Variants in ELP3 observed in about 807,000 individuals in gnomAD.
ELP3 encodes elongator complex protein 3.
ELP3 carries 56 observed loss-of-function variants against 74.9 expected under a neutral mutation model. The ratio of observed to expected loss-of-function variants is 0.75; its 90% CI spans 0.60 to 0.93. The LOEUF is 0.93. Among genes scored for constraint, ELP3 ranks in the 40% least tolerant of loss-of-function variants. The pLI, the probability that ELP3 is intolerant of heterozygous loss-of-function variation, is 0.00. For missense variants in ELP3, 573 were observed against 686.5 expected (o/e 0.83, Z 1.85); for synonymous variants, 222 against 239.8 (o/e 0.93, Z 0.68).
rs1812860257 is a variant in ELP3 at position 28,133,442 on chromosome 8, TC to T, written c.906+1039del. Among the ~76,000 whole-genome samples, 4 of 151,210 alleles carry T rather than the reference TC, an allele frequency of 2.6e-5. No individual in the cohort carries two copies. The South Asian group carries it at 8.3e-4, about 31-fold the overall frequency. On this transcript the variant is annotated intron_variant, in intron 9 of 14. Transcript: ENST00000256398. ...TCTTTTTTTTCCTTTTTTTTTTTTT[TC>T]TTCAAATGCCTCTAAGCTTAGAACT... is the stretch of plus-strand genomic sequence containing the variant.
chr8:28,144,450 T>C (rs946205755), intron 10 of ELP3, among the ~76,000 whole-genome samples: 1 of 151,862 alleles, frequency 6.6e-6, no homozygotes, highest in Non-Finnish European at 1.5e-5. Context: ...TCTCTACCAA[T>C]AAATAAAAAC....
intron 14 of ELP3, among the ~76,000 whole-genome samples, chr8:28,179,220 T>C (rs1235029111): frequency 6.6e-6 from 1 of 152,224 alleles, no homozygotes; most frequent in Non-Finnish European, 1.5e-5. Context: ...AGGGCAACTG[T>C]ATATTTACCA....
intron 12 of ELP3, among the ~76,000 whole-genome samples, chr8:28,159,626 G>C (rs1813986622): frequency 6.6e-6 from 1 of 152,180 alleles, no homozygotes; most frequent in Non-Finnish European, 1.5e-5. Context: ...TGTGCAGACT[G>C]CTACCACAAA....
At chr8:28,094,870 T>A (rs945830613) in intron 1 of ELP3, among the ~76,000 whole-genome samples, 1 of 152,260 alleles carries the variant, frequency 6.6e-6, no homozygotes, top group Non-Finnish European at 1.5e-5. Context: ...CAAGAGCCAT[T>A]TGAGTAGTAT....
intron 2 of ELP3, among the ~76,000 whole-genome samples, chr8:28,098,402 A>T (rs2130348720): frequency 6.6e-6 from 1 of 152,334 alleles, no homozygotes; most frequent in South Asian, 2.1e-4. Context: ...TGCTACAGGA[A>T]TAAGTAAATA....
rs74300594 is a variant in ELP3 at position 28,122,200 on chromosome 8, T to C, written c.618-7302T>C. Among the ~76,000 whole-genome samples, 4 of 152,316 alleles carry C rather than the reference T, an allele frequency of 2.6e-5. No homozygotes were observed. The East Asian group carries it at 7.7e-4, about 29-fold the overall frequency. ...TTGTTGGATTCAACTTGCTAATACT[T>C]TGTAGAGGATTTTTGTGTCTGTGTT... On this transcript the variant is annotated intron_variant, in intron 7 of 14. Transcript: ENST00000256398.
intron 7 of ELP3, among the ~76,000 whole-genome samples, chr8:28,116,978 C>T (rs1812164134): frequency 6.6e-6 from 1 of 152,174 alleles, no homozygotes; most frequent in African/African-American, 2.4e-5. Flanking sequence ...GACCACAGTT[C>T]ATTCAGCTCT....
At position 28,111,605 on chromosome 8, in the gene ELP3, A is replaced by G. The variant is rs540502987; in HGVS notation, c.462+1167A>G. The stretch of plus-strand genomic sequence containing the variant: ...GACAGGAGAGGACTCCATCTGGGGG[A>G]GCCCACATTTTTCCAAACAGTGGGT... On this transcript the variant is annotated intron_variant, in intron 6 of 14. Transcript: ENST00000256398. Among the ~76,000 whole-genome samples, 3 of 152,340 alleles carry G rather than the reference A, an allele frequency of 2.0e-5. No individual in the cohort carries two copies. The South Asian group carries it at 6.2e-4, about 32-fold the overall frequency.
At chr8:28,143,360 A>G (rs1168797225) in intron 10 of ELP3, among the ~76,000 whole-genome samples, 1 of 152,196 alleles carries the variant, frequency 6.6e-6, no homozygotes, top group Non-Finnish European at 1.5e-5. Flanking sequence ...CTAGCCATAA[A>G]ATATTCTATT....
intron 7 of ELP3, among the ~76,000 whole-genome samples, chr8:28,127,862 CAA>C (rs1419320313): frequency 6.6e-6 from 1 of 152,126 alleles, no homozygotes; most frequent in East Asian, 1.9e-4. Flanking sequence ...ATAAACAATG[CAA>C]AAGAGTTCAA....
chr8:28,166,361 C>G (rs1814307038), intron 14 of ELP3, among the ~76,000 whole-genome samples: 1 of 152,118 alleles, frequency 6.6e-6, no homozygotes, highest in South Asian at 2.1e-4. Context: ...ATGGACAAAT[C>G]AGTGTTATGA....
chr8:28,119,554 A>G, intron 7 of ELP3, among the ~76,000 whole-genome samples: 1 of 127,848 alleles, frequency 7.8e-6, no homozygotes, highest in African/African-American at 3.0e-5. Flanking sequence ...CATACAGTAC[A>G]AAACAACTTG....
intron 3 of ELP3, among the ~76,000 whole-genome samples, 164 bp from the exon 4 acceptor site, chr8:28,106,539 CAAAAAAAAAA>C (rs61714722): frequency 5.3e-5 from 6 of 112,698 alleles, no homozygotes; most frequent in Non-Finnish European, 8.3e-5. Flanking sequence ...GACTCCGTCT[CAAAAAAAAAA>C]AAAAAAAAAA....
At chr8:28,108,579 C>G (rs1358470255) in intron 5 of ELP3, among the ~76,000 whole-genome samples, 1 of 150,944 alleles carries the variant, frequency 6.6e-6, no homozygotes, top group Non-Finnish European at 1.5e-5. Flanking sequence ...GCCTCAGCCT[C>G]CCGAGTAGCT....
chr8:28,188,404 G>T (rs1266576941), intron 14 of ELP3, among the ~76,000 whole-genome samples: 1 of 152,002 alleles, frequency 6.6e-6, no homozygotes. Context: ...GGGCTCCTGG[G>T]TGGGGACCTG....
intron 4 of ELP3, among the ~76,000 whole-genome samples, chr8:28,107,583 G>A (rs73573286): frequency 0.011 from 1,682 of 152,316 alleles, 29 homozygotes; most frequent in African/African-American, 0.039. Context: ...ATTTTCTTGA[G>A]TGTGGTTCCC....
intron 14 of ELP3, chr8:28,183,333 T>C: frequency 2.4e-6 from 1 of 425,514 alleles, no homozygotes; most frequent in South Asian, 1.7e-5. Flanking sequence ...TTATCCTGCC[T>C]ACAGAGTAGG....
chr8:28,122,669 C>G (rs1812419852), intron 7 of ELP3, among the ~76,000 whole-genome samples: 1 of 152,108 alleles, frequency 6.6e-6, no homozygotes, highest in Non-Finnish European at 1.5e-5. Flanking sequence ...TGTGTTTTCT[C>G]TTTTTTTCTT....
chr8:28,165,797 G>A (rs1309217761), intron 14 of ELP3, among the ~76,000 whole-genome samples: 1 of 152,056 alleles, frequency 6.6e-6, no homozygotes, highest in African/African-American at 2.4e-5. Context: ...AAGACTCTGG[G>A]TATTCTTTTT....
Sources: gnomAD v4.1 joint callset for allele counts (sites outside exome capture counted in the v4.1 genomes callset) on GRCh38, gnomAD v4.1.1 for gene constraint, MANE v1.5 for transcripts, NCBI Gene and HGNC (gene_info 2026-07-23, HGNC 2026-07-21) for gene names.